Variants in EPB41L2 observed in about 807,000 individuals in gnomAD.
The protein encoded by EPB41L2 is band 4.1-like protein 2.
In EPB41L2, 43 loss-of-function variants were observed where a neutral mutation model predicts 113.0. The ratio of observed to expected loss-of-function variants is 0.38; its 90% CI spans 0.30 to 0.49. EPB41L2 has a LOEUF of 0.49. Ranked by LOEUF, EPB41L2 falls within the 20% of genes least tolerant of loss-of-function variation. The pLI is 0.95. For synonymous variants in EPB41L2, 442 were observed against 436.7 expected, an observed-to-expected ratio of 1.01 and a Z score of -0.15; for missense variants, 1,147 against 1,223.4, an observed-to-expected ratio of 0.94 and a Z score of 0.93.
chr6:130,899,692 A>G, intron 7 of EPB41L2, 114 bp from the exon 8 acceptor site: 1 of 907,522 alleles, frequency 1.1e-6, no homozygotes, highest in Non-Finnish European at 1.7e-6. Context: ...TACCCAGCCA[A>G]GTTTGCAGAA....
chr6:130,909,871 A>G (rs1798822268), intron 4 of EPB41L2, among the ~76,000 whole-genome samples: 1 of 152,350 alleles, frequency 6.6e-6, no homozygotes, highest in East Asian at 1.9e-4. Context: ...GCACAAGGAA[A>G]TAAGAGAGGA....
At chr6:130,873,921 C>G (rs966354695) in intron 14 of EPB41L2, among the ~76,000 whole-genome samples, 17 of 152,128 alleles carry the variant, frequency 1.1e-4, no homozygotes, top group Non-Finnish European at 2.4e-4. Context: ...TTTGGACTGA[C>G]TTAACTTCAT....
intron 19 of EPB41L2, among the ~76,000 whole-genome samples, 177 bp downstream of exon 19, chr6:130,857,954 C>CAG (rs1328321328): frequency 1.3e-5 from 2 of 152,164 alleles, no homozygotes; most frequent in Admixed American, 6.5e-5. Context: ...ACATGACCAT[C>CAG]AGTTCACAGA....
At chr6:130,941,639 C>G (rs1810931497) in intron 3 of EPB41L2, among the ~76,000 whole-genome samples, 1 of 152,156 alleles carries the variant, frequency 6.6e-6, no homozygotes, top group African/African-American at 2.4e-5. Flanking sequence ...TGACAGAAAT[C>G]TGGAAGGAGA....
chr6:130,965,954 TC>T (rs1775035236), intron 1 of EPB41L2, among the ~76,000 whole-genome samples: 1 of 151,994 alleles, frequency 6.6e-6, no homozygotes, highest in African/African-American at 2.4e-5. Flanking sequence ...TCTTGTGGCT[TC>T]CCTGGGCCAC....
chr6:130,898,786 T>TC (rs1402328757), intron 8 of EPB41L2, among the ~76,000 whole-genome samples: 1 of 152,112 alleles, frequency 6.6e-6, no homozygotes, highest in Non-Finnish European at 1.5e-5. Context: ...GTTTCTCAAA[T>TC]CCCCCCTTAA....
At chr6:130,904,710 TA>T (rs1020910891) in intron 5 of EPB41L2, among the ~76,000 whole-genome samples, 170 bp from the exon 6 acceptor site, 3 of 152,022 alleles carry the variant, frequency 2.0e-5, no homozygotes, top group African/African-American at 7.2e-5. Flanking sequence ...AAAAATGAAA[TA>T]AAAAATAAAA....
intron 1 of EPB41L2, among the ~76,000 whole-genome samples, chr6:131,053,140 C>G (rs1259055739): frequency 6.6e-6 from 1 of 152,072 alleles, no homozygotes; most frequent in Non-Finnish European, 1.5e-5. Flanking sequence ...AGGTGATCTG[C>G]CCGCCTCGGC....
At chr6:131,013,011 T>C (rs1030360792) in intron 1 of EPB41L2, among the ~76,000 whole-genome samples, 3 of 152,192 alleles carry the variant, frequency 2.0e-5, no homozygotes, top group Non-Finnish European at 2.9e-5. Context: ...GTTCCAACTA[T>C]CTTCTAACTA....
chr6:130,973,277 T>C (rs1777379762), intron 1 of EPB41L2, among the ~76,000 whole-genome samples: 1 of 152,100 alleles, frequency 6.6e-6, no homozygotes, highest in Non-Finnish European at 1.5e-5. Context: ...CAAAACTTTT[T>C]TTTTTTTTAA....
At chr6:131,058,450 A>G (rs564167971) in intron 1 of EPB41L2, among the ~76,000 whole-genome samples, 5 of 152,344 alleles carry the variant, frequency 3.3e-5, no homozygotes, top group South Asian at 4.1e-4. Flanking sequence ...AGGAGAAACA[A>G]TATCAGTGGT....
chr6:130,851,435 T>C (rs1778755498), intron 19 of EPB41L2, among the ~76,000 whole-genome samples: 1 of 152,204 alleles, frequency 6.6e-6, no homozygotes, highest in African/African-American at 2.4e-5. Context: ...ACGACTAATT[T>C]AGAGGTATTC....
intron 3 of EPB41L2, among the ~76,000 whole-genome samples, chr6:130,929,857 T>A (rs867549840): frequency 6.3e-4 from 78 of 123,396 alleles, no homozygotes; most frequent in South Asian, 8.5e-4. Flanking sequence ...AGACAGACAG[T>A]CACACACACA....
intron 1 of EPB41L2, among the ~76,000 whole-genome samples, chr6:130,992,889 G>T (rs1216369006): frequency 6.6e-6 from 1 of 152,140 alleles, no homozygotes; most frequent in Non-Finnish European, 1.5e-5. Flanking sequence ...CTCCCAAAGT[G>T]CTGGGATTAC....
chr6:131,008,063 A>G (rs551438255), intron 1 of EPB41L2, among the ~76,000 whole-genome samples: 8 of 152,392 alleles, frequency 5.2e-5, no homozygotes, highest in Admixed American at 6.5e-5. Context: ...TAATCCCAAG[A>G]CAATGGGAAA....
intron 1 of EPB41L2, among the ~76,000 whole-genome samples, chr6:131,037,064 GA>G (rs1257982919): frequency 6.6e-6 from 1 of 152,184 alleles, no homozygotes; most frequent in Non-Finnish European, 1.5e-5. Context: ...TAGCACTTCA[GA>G]AATTTCTGTA....
intron 1 of EPB41L2, among the ~76,000 whole-genome samples, chr6:131,040,309 C>T (rs907856929): frequency 5.9e-5 from 9 of 152,048 alleles, no homozygotes; most frequent in African/African-American, 1.9e-4. Flanking sequence ...CGTGGAGGTG[C>T]GCACCTGTAA....
chr6:130,920,321 AT>A (rs1415606773), intron 4 of EPB41L2, among the ~76,000 whole-genome samples: 2 of 152,224 alleles, frequency 1.3e-5, no homozygotes, highest in Non-Finnish European at 2.9e-5. Context: ...CAATAGCCAT[AT>A]GCAGCTAATG....
At chr6:131,012,186 C>G (rs1454770162) in intron 1 of EPB41L2, among the ~76,000 whole-genome samples, 1 of 151,728 alleles carries the variant, frequency 6.6e-6, no homozygotes, top group East Asian at 1.9e-4. Context: ...GGCTGGGCAA[C>G]TGAGGGAGAC....
Sources: allele counts gnomAD v4.1 joint callset (sites outside exome capture counted in the v4.1 genomes callset), GRCh38; gene constraint gnomAD v4.1.1; transcripts MANE v1.5; gene names NCBI Gene and HGNC (gene_info 2026-07-23, HGNC 2026-07-21).